The following PLEKHA5 variants were observed in gnomAD, a reference collection of about 807,000 sequenced individuals.
PLEKHA5 encodes the protein pleckstrin homology domain containing A5, also known as pleckstrin homology domain-containing family A member 5.
Under a neutral mutation model 181.9 loss-of-function variants are expected in PLEKHA5, and 55 were observed. The observed-to-expected ratio is 0.30, with a 90% CI of 0.24 to 0.38. The LOEUF (loss-of-function observed/expected upper bound fraction) is 0.38, where lower values mean the gene tolerates loss of function less well. Among genes scored for constraint, PLEKHA5 ranks in the 10% least tolerant of loss-of-function variants. The pLI is 1.00. For synonymous variants in PLEKHA5, 535 were observed against 529.4 expected, an observed-to-expected ratio of 1.01 and a Z score of -0.15; for missense variants, 1,432 against 1,549.5, an observed-to-expected ratio of 0.92 and a Z score of 1.27.
intron 3 of PLEKHA5, among the ~76,000 whole-genome samples, chr12:19,247,198 G>A (rs541076730): frequency 2.6e-5 from 4 of 152,308 alleles, no homozygotes; most frequent in African/African-American, 9.6e-5. Flanking sequence ...TTTTCAGAGT[G>A]CTGTCATACA....
In PLEKHA5 at chr12:19,322,622, A is replaced by C; in HGVS notation, c.2403A>C (p.Gln801His). 1 of 1,613,996 alleles carries C rather than the reference A, an allele frequency of 6.2e-7. No homozygotes were observed. Among genetic ancestry groups the C allele is most frequent in the Non-Finnish European group, 8.5e-7 (1 of 1,179,872 alleles). ...TGGTGTTACAAAGGGATGATTTACA[A>C]AATGGACTGCTTAGTACGTGTCGAG... The part of the protein sequence containing the change: ...QTVVLQRDDL[Q>H]NGLLSTCREL... Residue 801 changes from glutamine to histidine, a missense_variant, in exon 20 of 32, where the codon CAA (glutamine) becomes CAC (histidine). Gln to His is a conservative substitution (Grantham distance 24). Around this residue, in one of 2 missense-constraint regions of PLEKHA5, gnomAD observed 1,143 missense variants for 1,168.4 expected, o/e 0.98. Coordinates refer to ENST00000429027, the MANE Select transcript of PLEKHA5 (RefSeq NM_001256470.2).
At chr12:19,221,227 A>G (rs1202736824) in intron 3 of PLEKHA5, among the ~76,000 whole-genome samples, 1 of 152,184 alleles carries the variant, frequency 6.6e-6, no homozygotes, top group Non-Finnish European at 1.5e-5. Context: ...TAGTTGCCAA[A>G]ACTGGAAGCA....
At chr12:19,286,038 G>A (rs905984416) in intron 12 of PLEKHA5, among the ~76,000 whole-genome samples, 6 of 152,192 alleles carry the variant, frequency 3.9e-5, no homozygotes, top group African/African-American at 1.4e-4. Context: ...ACAACTGACA[G>A]TATTTGTTAC....
intron 3 of PLEKHA5, among the ~76,000 whole-genome samples, chr12:19,227,851 C>T (rs1246558729): frequency 1.3e-5 from 2 of 152,162 alleles, no homozygotes; most frequent in Non-Finnish European, 2.9e-5. Flanking sequence ...TTTGCAAAAA[C>T]CTTTATAAGA....
intron 3 of PLEKHA5, among the ~76,000 whole-genome samples, chr12:19,245,441 A>T (rs1276294730): frequency 6.6e-6 from 1 of 152,102 alleles, no homozygotes; most frequent in East Asian, 1.9e-4. Context: ...AGAATCTCAT[A>T]TCTCTGACTA....
At chr12:19,363,518 G>A (rs1233284153) in intron 29 of PLEKHA5, among the ~76,000 whole-genome samples, 1 of 147,816 alleles carries the variant, frequency 6.8e-6, no homozygotes, top group East Asian at 2.0e-4. Flanking sequence ...TTGAGACAGA[G>A]TCTCACTCTG....
intron 3 of PLEKHA5, among the ~76,000 whole-genome samples, chr12:19,251,264 G>T (rs937726816): frequency 5.9e-5 from 9 of 151,934 alleles, no homozygotes; most frequent in South Asian, 2.1e-4. Flanking sequence ...AAATTAGCCA[G>T]GCATGGTGAC....
intron 18 of PLEKHA5, among the ~76,000 whole-genome samples, chr12:19,321,385 T>G (rs539668050): frequency 2.1e-4 from 23 of 107,986 alleles, no homozygotes; most frequent in Non-Finnish European, 3.9e-4. Context: ...TTTTTTTGAG[T>G]CAGGGTCTCT....
At chr12:19,316,408 G>A (rs1174990519) in intron 16 of PLEKHA5, among the ~76,000 whole-genome samples, 4 of 151,076 alleles carry the variant, frequency 2.6e-5, no homozygotes, top group Non-Finnish European at 5.9e-5. Context: ...AAAGTGTGGA[G>A]ATCTGAAATG....
chr12:19,162,618 A>G (rs192880092), intron 3 of PLEKHA5, among the ~76,000 whole-genome samples: 1 of 151,782 alleles, frequency 6.6e-6, no homozygotes. Context: ...GTTGTCTGCT[A>G]CAGAGACAGG....
At chr12:19,168,524 A>C (rs1264019222) in intron 3 of PLEKHA5, among the ~76,000 whole-genome samples, 2 of 151,262 alleles carry the variant, frequency 1.3e-5, no homozygotes, top group East Asian at 3.9e-4. Flanking sequence ...AAAAAAACTC[A>C]GTAGGAGAAA....
At chr12:19,230,541 G>A (rs1592139748) in intron 3 of PLEKHA5, among the ~76,000 whole-genome samples, 2 of 152,170 alleles carry the variant, frequency 1.3e-5, no homozygotes, top group Non-Finnish European at 2.9e-5. Context: ...ATTTGAGCAC[G>A]GTGCGGGTAG....
intron 3 of PLEKHA5, among the ~76,000 whole-genome samples, chr12:19,223,294 A>G (rs978718037): frequency 2.0e-5 from 3 of 152,214 alleles, no homozygotes; most frequent in African/African-American, 7.2e-5. Context: ...CAGATATGAA[A>G]GAAGCCTCTT....
At chr12:19,361,899 A>G (rs896162061) in intron 29 of PLEKHA5, among the ~76,000 whole-genome samples, 193 bp downstream of exon 29, 1 of 152,128 alleles carries the variant, frequency 6.6e-6, no homozygotes, top group Non-Finnish European at 1.5e-5. Context: ...GGCTGGACGC[A>G]CTGGTGCACA....
Position 19,248,165 on chromosome 12 carries a change from G to C in PLEKHA5, c.228-5775G>C, listed in dbSNP as rs75146136. The stretch of plus-strand genomic sequence containing the variant: ...ATGAACTTGGGAGGTTGAGGCTGCA[G>C]AGAGTTGTGTTCACATCACTGCATT... On this transcript the variant is annotated intron_variant, in intron 3 of 31. Coordinates refer to ENST00000429027, the MANE Select transcript of PLEKHA5 (RefSeq NM_001256470.2). Among the ~76,000 whole-genome samples the C allele has an allele frequency of 2.0e-5, 3 of 152,268 alleles. No homozygotes were observed. In the East Asian group the frequency reaches 5.8e-4, roughly 29 times the overall value.
At chr12:19,199,768 A>G (rs947487751) in intron 3 of PLEKHA5, among the ~76,000 whole-genome samples, 8 of 152,278 alleles carry the variant, frequency 5.3e-5, no homozygotes, top group South Asian at 2.1e-4. Flanking sequence ...AGCTGATTCT[A>G]TATTTTATTC....
intron 21 of PLEKHA5, 144 bp downstream of exon 21, chr12:19,336,760 G>A: frequency 1.8e-6 from 1 of 570,786 alleles, no homozygotes; most frequent in Non-Finnish European, 3.1e-6. Flanking sequence ...TTAATGACAG[G>A]AATCTTACTA....
chr12:19,361,078 A>T (rs753617510), intron 28 of PLEKHA5, among the ~76,000 whole-genome samples: 10 of 151,492 alleles, frequency 6.6e-5, no homozygotes, highest in Non-Finnish European at 1.3e-4. Flanking sequence ...TAGACAAATA[A>T]CTTTTTGCAT....
intron 3 of PLEKHA5, among the ~76,000 whole-genome samples, chr12:19,175,942 G>C (rs2047089406): frequency 6.6e-6 from 1 of 152,082 alleles, no homozygotes; most frequent in Non-Finnish European, 1.5e-5. Flanking sequence ...CCACACCTCA[G>C]TATTCATTCA....
Sources: allele counts gnomAD v4.1 joint callset (sites outside exome capture counted in the v4.1 genomes callset), GRCh38; gene constraint gnomAD v4.1.1; regional missense constraint gnomAD v4.1.1; transcripts MANE v1.5; gene names NCBI Gene and HGNC (gene_info 2026-07-23, HGNC 2026-07-21).